The following SOX6 variants were observed in gnomAD, a reference collection of about 807,000 sequenced individuals.
SOX6 encodes the protein SRY-box transcription factor 6, also known as transcription factor SOX-6.
In SOX6, 11 loss-of-function variants were observed where a neutral mutation model predicts 97.8. The ratio of observed to expected loss-of-function variants is 0.11; its 90% CI spans 0.07 to 0.19. The LOEUF is 0.19. SOX6 is among the 10% of genes least tolerant of loss of function. SOX6 has a pLI of 1.00. For synonymous variants in SOX6, 360 were observed against 371.4 expected, an observed-to-expected ratio of 0.97 and a Z score of 0.35; for missense variants, 810 against 1,039.5, an observed-to-expected ratio of 0.78 and a Z score of 3.04.
chr11:16,370,510 C>G (rs945863762), intron 1 of SOX6, among the ~76,000 whole-genome samples: 4 of 151,916 alleles, frequency 2.6e-5, no homozygotes, highest in Non-Finnish European at 5.9e-5. Context: ...TAAAATAGAA[C>G]CAAAAAAATG....
chr11:16,682,507 T>C (rs1442074112), intron 3 of SOX6, among the ~76,000 whole-genome samples: 1 of 152,208 alleles, frequency 6.6e-6, no homozygotes, highest in Non-Finnish European at 1.5e-5. Context: ...TCTCAACAGA[T>C]GCAGAAGAAG....
At position 16,530,391 on chromosome 11, in the gene SOX6, T is replaced by C. The variant is rs193264425; in HGVS notation, n.610-54003A>G. Among the ~76,000 whole-genome samples, 594 of 152,158 alleles carry C rather than the reference T, an allele frequency of 3.9e-3. 3 individuals carry two copies. The highest frequency in any genetic ancestry group is 0.014 in the African/African-American group (575 of 41,544). On this transcript the variant is annotated intron_variant and non_coding_transcript_variant, in intron 4 of 5. Transcript: ENST00000524520. The stretch of plus-strand genomic sequence containing the variant: ...GAAGAAATAAAAGCAATTTTTTCTT[T>C]ACCCTTCTCCTTTGAAAACAACTAA...
At chr11:16,302,485 G>A (rs1855287168) in intron 3 of SOX6, among the ~76,000 whole-genome samples, 2 of 146,380 alleles carry the variant, frequency 1.4e-5, no homozygotes, top group South Asian at 4.3e-4. Context: ...TAGCTCGAAT[G>A]TCAATAAATC....
chr11:16,318,143 T>C, intron 3 of SOX6: 1 of 412,482 alleles, frequency 2.4e-6, no homozygotes, highest in Non-Finnish European at 4.5e-6. Context: ...AAAATAAAGT[T>C]GCAGTTAGGA....
At chr11:16,466,022 A>C (rs537666773) in intron 1 of SOX6, among the ~76,000 whole-genome samples, 1 of 152,236 alleles carries the variant, frequency 6.6e-6, no homozygotes, top group Non-Finnish European at 1.5e-5. Context: ...AACTTTTTTG[A>C]ATAATTAAAC....
At chr11:16,239,020 C>A (rs971543615) in intron 3 of SOX6, among the ~76,000 whole-genome samples, 1 of 152,008 alleles carries the variant, frequency 6.6e-6, no homozygotes, top group Non-Finnish European at 1.5e-5. Flanking sequence ...ACAATTAAAT[C>A]CAGCAAAATA....
chr11:16,594,684 C>CTTTTTTT lies in SOX6; in HGVS notation n.609+17390_609+17396dup, dbSNP rs10653599. Among the ~76,000 whole-genome samples, 104 of 68,266 alleles carry CTTTTTTT rather than the reference C, an allele frequency of 1.5e-3. 19 individuals are homozygous for CTTTTTTT. Among genetic ancestry groups the CTTTTTTT allele is most frequent in the South Asian group, 3.1e-3 (4 of 1,278 alleles). 44.8% of individuals were successfully genotyped at this position (68,266 alleles called of 152,430 possible). Reference sequence around the variant, plus strand: ...ATTTTTATTTTCTTTTCGGTTTTTGCTTTTTTTTTTTTTTTTTTTTTTTTT... The same window carrying CTTTTTTT: ...ATTTTTATTTTCTTTTCGGTTTTTGCTTTTTTTTTTTTTTTTTTTTTTTTTTTTTTTT... On this transcript the variant is annotated intron_variant and non_coding_transcript_variant, in intron 4 of 5. Transcript: ENST00000524520.
intron 4 of SOX6, among the ~76,000 whole-genome samples, chr11:16,205,977 T>G (rs1239601444): frequency 6.6e-6 from 1 of 152,044 alleles, no homozygotes; most frequent in Non-Finnish European, 1.5e-5. Flanking sequence ...CTCTGCAATA[T>G]TAAAAATGTA....
At chr11:16,056,300 AAACT>A (rs1847814177) in intron 9 of SOX6, among the ~76,000 whole-genome samples, 1 of 152,162 alleles carries the variant, frequency 6.6e-6, no homozygotes, top group Non-Finnish European at 1.5e-5. Flanking sequence ...ATGAATTAAG[AAACT>A]AACCTGAACA....
chr11:16,067,686 A>G (rs1296501098), intron 9 of SOX6, among the ~76,000 whole-genome samples: 1 of 152,194 alleles, frequency 6.6e-6, no homozygotes, highest in African/African-American at 2.4e-5. Context: ...TGTTTGTAAC[A>G]CAAAGGATAA....
chr11:16,418,732 TGGCA>T (rs1312590716), intron 1 of SOX6, among the ~76,000 whole-genome samples: 4 of 152,120 alleles, frequency 2.6e-5, no homozygotes, highest in African/African-American at 9.7e-5. Flanking sequence ...GGAACCTGAT[TGGCA>T]GGCTTCAAAC....
intron 1 of SOX6, among the ~76,000 whole-genome samples, chr11:16,462,938 A>G (rs1479299141): frequency 6.6e-6 from 1 of 152,234 alleles, no homozygotes; most frequent in Non-Finnish European, 1.5e-5. Flanking sequence ...GTATTTCTAG[A>G]GAGAACTATC....
At chr11:16,363,294 G>A (rs1857256485) in intron 1 of SOX6, among the ~76,000 whole-genome samples, 1 of 152,132 alleles carries the variant, frequency 6.6e-6, no homozygotes, top group Non-Finnish European at 1.5e-5. Context: ...CTTCTTTAGA[G>A]ATTGAGCATT....
At chr11:16,340,132 T>C (rs1228328839) in intron 2 of SOX6, among the ~76,000 whole-genome samples, 2 of 152,098 alleles carry the variant, frequency 1.3e-5, no homozygotes, top group African/African-American at 2.4e-5. Flanking sequence ...TATGTGTTAT[T>C]AGTAGTAAAG....
At chr11:16,690,957 T>C (rs1001618942) in intron 3 of SOX6, among the ~76,000 whole-genome samples, 30 of 152,348 alleles carry the variant, frequency 2.0e-4, no homozygotes, top group Non-Finnish European at 5.9e-5. Flanking sequence ...TTAGGAAGCA[T>C]CTGAAGATTA....
At chr11:16,584,203 T>C (rs746666674) in intron 4 of SOX6, among the ~76,000 whole-genome samples, 21 of 152,226 alleles carry the variant, frequency 1.4e-4, no homozygotes, top group Non-Finnish European at 2.4e-4. Flanking sequence ...TTCCCTATTG[T>C]TGATCCCTTA....
intron 1 of SOX6, among the ~76,000 whole-genome samples, chr11:16,451,001 A>T (rs1426909985): frequency 6.6e-6 from 1 of 152,164 alleles, no homozygotes; most frequent in Admixed American, 6.5e-5. Flanking sequence ...TGGGAGGCTA[A>T]GGCAGGTGGA....
At chr11:16,557,316 A>G (rs1847760619) in intron 4 of SOX6, among the ~76,000 whole-genome samples, 3 of 151,730 alleles carry the variant, frequency 2.0e-5, no homozygotes, top group African/African-American at 2.4e-5. Context: ...CTCTTCTCCA[A>G]TTTGTTCCTA....
At chr11:16,239,956 A>G (rs1853135471) in intron 3 of SOX6, among the ~76,000 whole-genome samples, 1 of 152,094 alleles carries the variant, frequency 6.6e-6, no homozygotes, top group Non-Finnish European at 1.5e-5. Context: ...ACAGACCAAA[A>G]CTTTAAAACA....
Sources: allele counts gnomAD v4.1 joint callset (sites outside exome capture counted in the v4.1 genomes callset), GRCh38; gene constraint gnomAD v4.1.1; transcripts MANE v1.5; gene names NCBI Gene and HGNC (gene_info 2026-07-23, HGNC 2026-07-21).